Variants in CAMK2A observed in about 807,000 individuals in gnomAD.
The protein encoded by CAMK2A is calcium/calmodulin-dependent protein kinase type II subunit alpha.
CAMK2A carries 7 observed loss-of-function variants against 79.2 expected under a neutral mutation model. The ratio of observed to expected loss-of-function variants is 0.09; its 90% CI spans 0.05 to 0.17. The LOEUF (loss-of-function observed/expected upper bound fraction) is 0.17. Among genes scored for constraint, CAMK2A ranks in the 10% least tolerant of loss-of-function variants. The pLI, the probability that CAMK2A is intolerant of heterozygous loss-of-function variation, is 1.00. For synonymous variants in CAMK2A, 242 were observed against 251.7 expected, an observed-to-expected ratio of 0.96 and a Z score of 0.36; for missense variants, 214 against 646.4, an observed-to-expected ratio of 0.33 and a Z score of 7.25.
chr5:150,231,182 C>T (rs569249961), intron 16 of CAMK2A, 123 bp downstream of exon 16: 4 of 503,182 alleles, frequency 7.9e-6, no homozygotes, highest in Non-Finnish European at 3.6e-6. Flanking sequence ...GAGTTCAGCC[C>T]GATTCACAGC....
intron 6 of CAMK2A, among the ~76,000 whole-genome samples, chr5:150,254,776 G>GA (rs1755982970): frequency 6.6e-6 from 1 of 152,202 alleles, no homozygotes; most frequent in South Asian, 2.1e-4. Context: ...TTTCCTCTGA[G>GA]AAAAATGCTT....
chr5:150,264,251 G>T (rs1164502422), intron 3 of CAMK2A, among the ~76,000 whole-genome samples: 1 of 152,192 alleles, frequency 6.6e-6, no homozygotes, highest in Non-Finnish European at 1.5e-5. Flanking sequence ...CTCAGAGGAT[G>T]GGGGGAAGTG....
intron 17 of CAMK2A, among the ~76,000 whole-genome samples, chr5:150,225,648 A>G (rs4958468): frequency 0.91 from 138,565 of 152,248 alleles, 63,086 homozygotes; most frequent in Admixed American, 0.94. Flanking sequence ...ACAGACTGTA[A>G]GATGGTGGCT....
At chr5:150,250,094 T>G in intron 11 of CAMK2A, 132 bp downstream of exon 11, 1 of 676,314 alleles carries the variant, frequency 1.5e-6, no homozygotes, top group East Asian at 2.8e-5. Flanking sequence ...CTGTCCAGTA[T>G]GCAGTAGGTG....
At chr5:150,260,932 C>G (rs1319639821) in intron 3 of CAMK2A, among the ~76,000 whole-genome samples, 1 of 152,154 alleles carries the variant, frequency 6.6e-6, no homozygotes, top group East Asian at 1.9e-4. Context: ...CCTCCCTTTC[C>G]TGAGTGTAAG....
At chr5:150,234,446 A>G (rs1000871164) in intron 15 of CAMK2A, among the ~76,000 whole-genome samples, 5 of 152,172 alleles carry the variant, frequency 3.3e-5, no homozygotes, top group South Asian at 2.1e-4. Context: ...ATGTATAATG[A>G]AGATACTAAT....
intron 3 of CAMK2A, among the ~76,000 whole-genome samples, chr5:150,259,163 A>C (rs1756190653): frequency 6.6e-6 from 1 of 151,396 alleles, no homozygotes; most frequent in Admixed American, 6.6e-5. Context: ...CTGAGCGACA[A>C]AGCAACACTC....
At chr5:150,275,650 C>T (rs1223872445) in intron 1 of CAMK2A, among the ~76,000 whole-genome samples, 1 of 152,160 alleles carries the variant, frequency 6.6e-6, no homozygotes, top group African/African-American at 2.4e-5. Context: ...CGCTTACTTA[C>T]ATTTACCAGT....
chr5:150,222,265 C>T lies in CAMK2A; in HGVS notation c.*445G>A, dbSNP rs957710. 795 of 557,916 alleles carry T rather than the reference C, an allele frequency of 1.4e-3. 13 individuals are homozygous for T. In the South Asian group the frequency reaches 0.015, roughly 11 times the overall value. The allele number at this position is 557,916 out of a possible 1,614,324, so 34.6% of individuals were successfully genotyped here. A position where few individuals can be genotyped will look rare whatever the true frequency, so the allele number is the denominator to read the frequency against. ...CTTAGGGGGAAGGGAGTGTCATCTG[C>T]CCTTCCCCGGGGACACTGGAAGAGG... On this transcript the variant is annotated 3_prime_UTR_variant, in exon 19 of 19. Coordinates refer to ENST00000671881, the MANE Select transcript of CAMK2A (RefSeq NM_015981.4).
At chr5:150,277,807 C>G (rs1757014398) in intron 1 of CAMK2A, among the ~76,000 whole-genome samples, 1 of 152,216 alleles carries the variant, frequency 6.6e-6, no homozygotes, top group African/African-American at 2.4e-5. Flanking sequence ...TTCAAATATA[C>G]ATTCACCACT....
At chr5:150,237,346 G>A (rs1039760744) in intron 15 of CAMK2A, among the ~76,000 whole-genome samples, 2 of 139,956 alleles carry the variant, frequency 1.4e-5, no homozygotes, top group African/African-American at 5.1e-5. Flanking sequence ...CGAGGTCAAC[G>A]GCCTTTTTTT....
intron 15 of CAMK2A, among the ~76,000 whole-genome samples, chr5:150,233,408 A>G (rs1754929290): frequency 6.6e-6 from 1 of 152,138 alleles, no homozygotes; most frequent in Admixed American, 6.5e-5. Context: ...GTCAGCCACC[A>G]CTGTGAACAG....
At position 150,223,295 on chromosome 5, in the gene CAMK2A, C is replaced by T; in HGVS notation, c.1238-78G>A. ...TCACTTTCTTCACTTTCTCCACTCCCAGCAGCCCTCTCAATGGAGGCGCCC... is the reference window on the plus strand; with the variant it reads ...TCACTTTCTTCACTTTCTCCACTCCTAGCAGCCCTCTCAATGGAGGCGCCC... On this transcript the variant is annotated intron_variant, in intron 17 of 18. Coordinates refer to ENST00000671881, the MANE Select transcript of CAMK2A (RefSeq NM_015981.4). The surrounding 1 kb of genome is among the most constrained non-coding windows in gnomAD (Gnocchi z 4.1). 1 of 1,216,386 alleles carries T rather than the reference C, an allele frequency of 8.2e-7. No homozygotes were observed. The highest frequency in any genetic ancestry group is 1.2e-6 in the Non-Finnish European group (1 of 855,580). The allele number at this position is 1,216,386 out of a possible 1,614,324, so 75.3% of individuals were successfully genotyped here.
intron 16 of CAMK2A, among the ~76,000 whole-genome samples, chr5:150,230,456 G>C (rs1754794070): frequency 6.6e-6 from 1 of 151,986 alleles, no homozygotes; most frequent in South Asian, 2.1e-4. Flanking sequence ...GCCAGGTTAT[G>C]CCCAACTCAA....
At position 150,222,064 on chromosome 5, in the gene CAMK2A, T is replaced by C. The variant is rs1336907294; in HGVS notation, c.*646A>G. On this transcript the variant is annotated 3_prime_UTR_variant, in exon 19 of 19. Coordinates refer to ENST00000671881, the MANE Select transcript of CAMK2A (RefSeq NM_015981.4). ...GGGCAGGTTAATGTTGGAGGTGGAC[T>C]TCACCAGAAGGAAGCAGAAAGCAAG... is the stretch of plus-strand genomic sequence containing the variant. 1 of 185,716 alleles carries C rather than the reference T, an allele frequency of 5.4e-6. No individual in the cohort carries two copies. Among genetic ancestry groups the C allele is most frequent in the African/African-American group, 2.3e-5 (1 of 43,108 alleles). The allele number at this position is 185,716 out of a possible 1,614,324, so 11.5% of individuals were successfully genotyped here. A position where few individuals can be genotyped will look rare whatever the true frequency, so the allele number is the denominator to read the frequency against.
chr5:150,268,060 A>T (rs1408152229), intron 2 of CAMK2A, among the ~76,000 whole-genome samples: 1 of 151,950 alleles, frequency 6.6e-6, no homozygotes, highest in Non-Finnish European at 1.5e-5. Flanking sequence ...TTTTTAGTAG[A>T]GACGGGGTTC....
chr5:150,262,641 A>G (rs1756347855), intron 3 of CAMK2A, among the ~76,000 whole-genome samples: 1 of 152,076 alleles, frequency 6.6e-6, no homozygotes, highest in Non-Finnish European at 1.5e-5. Context: ...GGAGTAAATG[A>G]CTCAATGATG....
At chr5:150,279,966 A>T (rs905008055) in intron 1 of CAMK2A, among the ~76,000 whole-genome samples, 1 of 152,202 alleles carries the variant, frequency 6.6e-6, no homozygotes, top group African/African-American at 2.4e-5. Flanking sequence ...AAGAGTTGAC[A>T]TGGCAGCCAA....
rs1427609849 is a variant in CAMK2A, at chr5:150,248,510, G to A, written c.901-696C>T. 6.5e-3 allele frequency among the ~76,000 whole-genome samples: 685 copies of A among 105,370 alleles called. 8 individuals are homozygous for A. Among genetic ancestry groups the A allele is most frequent in the African/African-American group, 0.024 (636 of 26,094 alleles). 69.1% of individuals were successfully genotyped at this position (105,370 alleles called of 152,430 possible). ...CTCCCCCCACCCCACAACAGGCCCCGGTGTGTGATGTTCCCCTTCCTGTGT... is the reference window on the plus strand; with the variant it reads ...CTCCCCCCACCCCACAACAGGCCCCAGTGTGTGATGTTCCCCTTCCTGTGT... On this transcript the variant is annotated intron_variant, in intron 11 of 18. Transcript: ENST00000671881.
Sources: gnomAD v4.1 joint callset for allele counts (sites outside exome capture counted in the v4.1 genomes callset) on GRCh38, gnomAD v4.1.1 for gene constraint, Gnocchi (gnomAD v3.1) non-coding constraint, MANE v1.5 for transcripts, NCBI Gene and HGNC (gene_info 2026-07-23, HGNC 2026-07-21) for gene names.